MAML3: variants seen among roughly 807,000 people sequenced by gnomAD.
The protein encoded by MAML3 is mastermind-like protein 3.
MAML3 carries 27 observed loss-of-function variants against 101.9 expected under a neutral mutation model. The observed-to-expected ratio is 0.27, with a 90% CI of 0.20 to 0.37. The LOEUF is 0.37. Among genes scored for constraint, MAML3 ranks in the 10% least tolerant of loss-of-function variants. The probability of loss-of-function intolerance (pLI) is 1.00; values close to 1 mark genes in which losing one functional copy is unlikely to be tolerated. For synonymous variants in MAML3, 501 were observed against 555.9 expected, an observed-to-expected ratio of 0.90 and a Z score of 1.39; for missense variants, 1,316 against 1,444.9, an observed-to-expected ratio of 0.91 and a Z score of 1.45.
intron 1 of MAML3, among the ~76,000 whole-genome samples, chr4:139,900,252 G>T (rs1387679547): frequency 6.6e-6 from 1 of 152,192 alleles, no homozygotes; most frequent in African/African-American, 2.4e-5. Context: ...TCCAATTCCA[G>T]CTGTAAGTGC....
chr4:139,773,282 C>T (rs1730030809), intron 2 of MAML3, among the ~76,000 whole-genome samples: 1 of 152,132 alleles, frequency 6.6e-6, no homozygotes, highest in Non-Finnish European at 1.5e-5. Context: ...TCCCAAGCAT[C>T]CTGTTATCTA....
chr4:139,823,390 A>G (rs1731008201), intron 2 of MAML3, among the ~76,000 whole-genome samples: 1 of 152,138 alleles, frequency 6.6e-6, no homozygotes, highest in Non-Finnish European at 1.5e-5. Flanking sequence ...TCTTTCATAA[A>G]GACACACATA....
chr4:139,727,701 T>C (rs756856563), intron 3 of MAML3, among the ~76,000 whole-genome samples: 2 of 152,248 alleles, frequency 1.3e-5, no homozygotes, highest in African/African-American at 2.4e-5. Flanking sequence ...TAAATGTGAA[T>C]TCATGCCTAC....
intron 2 of MAML3, chr4:139,888,674 C>G: frequency 1.9e-6 from 1 of 518,986 alleles, no homozygotes. Flanking sequence ...GACTTTAATA[C>G]AGCACTAAGA....
chr4:139,982,902 C>G (rs971908592), intron 1 of MAML3, among the ~76,000 whole-genome samples: 6 of 152,134 alleles, frequency 3.9e-5, no homozygotes, highest in African/African-American at 7.2e-5. Flanking sequence ...TCTGCACCCC[C>G]CTTAGGAAAA....
intron 1 of MAML3, among the ~76,000 whole-genome samples, chr4:139,944,975 T>C (rs1021917209): frequency 6.6e-6 from 1 of 151,672 alleles, no homozygotes; most frequent in East Asian, 1.9e-4. Context: ...CTATAAATCA[T>C]GCTGCTATAA....
At position 139,719,809 on chromosome 4, in the gene MAML3, T is replaced by G; in HGVS notation, c.2931A>C (p.Gly977=). 1 of 1,613,570 alleles carries G rather than the reference T, an allele frequency of 6.2e-7. No homozygotes were observed. Residue 977 remains glycine, a synonymous_variant, in exon 5 of 5, where the codon GGA becomes GGC. Coordinates refer to ENST00000509479, the MANE Select transcript of MAML3 (RefSeq NM_018717.5). ...CGCCATTGTTGAATGGTCCCAATTC[T>G]CCACTAGTCCTCCCAGGCATGCCCT... The part of the protein sequence containing the change: ...SLQGMPGRTS[G]ELGPFNNGAS...
intron 2 of MAML3, among the ~76,000 whole-genome samples, chr4:139,835,287 G>A (rs1297319467): frequency 6.6e-6 from 1 of 152,252 alleles, no homozygotes; most frequent in Non-Finnish European, 1.5e-5. Context: ...GGTAGTGAAT[G>A]AGTTTTAGTT....
At chr4:140,096,441 G>T (rs1357730032) in intron 1 of MAML3, among the ~76,000 whole-genome samples, 1 of 152,084 alleles carries the variant, frequency 6.6e-6, no homozygotes, top group East Asian at 1.9e-4. Context: ...ATACGTATCC[G>T]AAAGTTCACA....
intron 1 of MAML3, among the ~76,000 whole-genome samples, chr4:139,906,874 A>AT (rs1732831960): frequency 7.7e-6 from 1 of 130,434 alleles, no homozygotes; most frequent in Admixed American, 8.3e-5. Context: ...GTTCAGAAGC[A>AT]ATTTTTTTTT....
chr4:140,034,435 G>A (rs1308375815), intron 1 of MAML3, among the ~76,000 whole-genome samples: 3 of 152,174 alleles, frequency 2.0e-5, no homozygotes, highest in African/African-American at 7.2e-5. Flanking sequence ...GAAGACATAT[G>A]GTATGAGAAA....
At chr4:139,752,151 C>T (rs1027117114) in intron 2 of MAML3, among the ~76,000 whole-genome samples, 1 of 152,164 alleles carries the variant, frequency 6.6e-6, no homozygotes, top group Non-Finnish European at 1.5e-5. Flanking sequence ...TAGGTTCTCC[C>T]TAATAATTCC....
intron 2 of MAML3, among the ~76,000 whole-genome samples, chr4:139,802,593 C>A (rs1730628565): frequency 6.6e-6 from 1 of 152,220 alleles, no homozygotes; most frequent in African/African-American, 2.4e-5. Context: ...AAAAAGAAAT[C>A]AAAATGAGTA....
chr4:139,978,737 C>T (rs1734392082), intron 1 of MAML3, among the ~76,000 whole-genome samples: 1 of 152,074 alleles, frequency 6.6e-6, no homozygotes. Flanking sequence ...TGTCCCCCAT[C>T]CCTAATCTGT....
chr4:139,748,791 C>T (rs980488070), intron 2 of MAML3, among the ~76,000 whole-genome samples: 17 of 152,100 alleles, frequency 1.1e-4, no homozygotes, highest in Non-Finnish European at 2.4e-4. Flanking sequence ...AGTAGAAAGG[C>T]AGGGAAAAGT....
intron 1 of MAML3, among the ~76,000 whole-genome samples, chr4:140,111,420 C>G (rs1226923532): frequency 6.6e-6 from 1 of 152,190 alleles, no homozygotes; most frequent in Non-Finnish European, 1.5e-5. Flanking sequence ...CGTGCAAACA[C>G]ATGGATGTTC....
At chr4:139,949,826 G>T (rs868749264) in intron 1 of MAML3, among the ~76,000 whole-genome samples, 1 of 152,286 alleles carries the variant, frequency 6.6e-6, no homozygotes, top group Middle Eastern at 3.4e-3. Context: ...TATAGATGTT[G>T]CTAGGAAGGC....
Position 139,732,024 on chromosome 4 carries a change from A to G in MAML3, c.2080-1357T>C, listed in dbSNP as rs555258259. ...GTTTCAAGTAATTAATGTGAAATGG[A>G]GGAGTTGACACAGATTAAATGGGCA... On this transcript the variant is annotated intron_variant, in intron 2 of 4. Coordinates refer to ENST00000509479, the MANE Select transcript of MAML3 (RefSeq NM_018717.5). Among the ~76,000 whole-genome samples, 6 of 152,368 alleles carry G rather than the reference A, an allele frequency of 3.9e-5. No individual in the cohort carries two copies. In the South Asian group the frequency reaches 1.2e-3, roughly 32 times the overall value.
At chr4:140,058,279 T>TA (rs397701980) in intron 1 of MAML3, among the ~76,000 whole-genome samples, 1 of 150,712 alleles carries the variant, frequency 6.6e-6, no homozygotes, top group Non-Finnish European at 1.5e-5. Flanking sequence ...CTTTTTTTTT[T>TA]AGTAGTGGGT....
Sources: gnomAD v4.1 joint callset for allele counts (sites outside exome capture counted in the v4.1 genomes callset) on GRCh38, gnomAD v4.1.1 for gene constraint, MANE v1.5 for transcripts, NCBI Gene and HGNC (gene_info 2026-07-23, HGNC 2026-07-21) for gene names.